Variants in RCBTB2 observed in about 807,000 individuals in gnomAD.
The protein encoded by RCBTB2 is RCC1 and BTB domain-containing protein 2.
In RCBTB2, 55 loss-of-function variants were observed where a neutral mutation model predicts 65.4. The observed-to-expected ratio is 0.84, with a 90% CI of 0.68 to 1.05. RCBTB2 has a LOEUF of 1.05. Among genes scored for constraint, RCBTB2 ranks in the 50% least tolerant of loss-of-function variants. The probability of loss-of-function intolerance (pLI) is 0.00; values close to 1 mark genes in which losing one functional copy is unlikely to be tolerated. For missense variants in RCBTB2, 599 were observed against 680.1 expected, an observed-to-expected ratio of 0.88 and a Z score of 1.33; for synonymous variants, 220 against 255.2, an observed-to-expected ratio of 0.86 and a Z score of 1.31.
chr13:48,515,852 T>A, intron 4 of RCBTB2, 111 bp from the exon 5 acceptor site: 2 of 1,119,096 alleles, frequency 1.8e-6, no homozygotes, highest in South Asian at 3.2e-5. Flanking sequence ...ACACACTGCA[T>A]CCATTTTTGA....
At chr13:48,503,801 G>T (rs1318442683) in intron 10 of RCBTB2, among the ~76,000 whole-genome samples, 2 of 152,148 alleles carry the variant, frequency 1.3e-5, no homozygotes, top group African/African-American at 4.8e-5. Flanking sequence ...CGCCCACCTT[G>T]GCCTCCCAGA....
chr13:48,524,326 G>T (rs1162230534), intron 2 of RCBTB2, among the ~76,000 whole-genome samples: 1 of 152,168 alleles, frequency 6.6e-6, no homozygotes, highest in East Asian at 1.9e-4. Flanking sequence ...GTGATAAAAT[G>T]TATTCTAAAT....
chr13:48,509,257 G>C (rs561810450), intron 10 of RCBTB2, among the ~76,000 whole-genome samples: 1 of 152,256 alleles, frequency 6.6e-6, no homozygotes, highest in Non-Finnish European at 1.5e-5. Flanking sequence ...AGCTTGGGAA[G>C]TCAAGACTAC....
chr13:48,517,018 G>A (rs534235638), intron 4 of RCBTB2, among the ~76,000 whole-genome samples: 1 of 152,356 alleles, frequency 6.6e-6, no homozygotes, highest in African/African-American at 2.4e-5. Context: ...TACCGGGAAT[G>A]TGGTCTGGTG....
At chr13:48,495,024 C>G (rs1318353382) in intron 14 of RCBTB2, among the ~76,000 whole-genome samples, 1 of 151,992 alleles carries the variant, frequency 6.6e-6, no homozygotes, top group Non-Finnish European at 1.5e-5. Flanking sequence ...TACAAATTTT[C>G]TTTAATAAGC....
In RCBTB2 at chr13:48,490,021, AT is replaced by A. The variant is rs1489845571; in HGVS notation, c.*89del. Reference sequence around the variant, plus strand: ...ACAAGTACTCAGCCAAACATAGCTCATCATACATACTATTAATTAAAGAGAA... The same window carrying A: ...ACAAGTACTCAGCCAAACATAGCTCACATACATACTATTAATTAAAGAGAA... On this transcript the variant is annotated 3_prime_UTR_variant, in exon 15 of 15. Transcript: ENST00000344532. 4.3e-6 allele frequency: 6 copies of A among 1,400,132 alleles called. No homozygotes were observed. In the East Asian group the frequency reaches 1.4e-4, roughly 32 times the overall value. The allele number at this position is 1,400,132 out of a possible 1,614,324, so 86.7% of individuals were successfully genotyped here. A position where few individuals can be genotyped will look rare whatever the true frequency, so the allele number is the denominator to read the frequency against.
At chr13:48,497,495 T>C (rs556816566) in intron 13 of RCBTB2, among the ~76,000 whole-genome samples, 151 of 152,348 alleles carry the variant, frequency 9.9e-4, no homozygotes, top group African/African-American at 3.4e-3. Context: ...TTTTTCTGAA[T>C]CTTCATTACA....
At chr13:48,510,863 A>G (rs1950751971) in intron 9 of RCBTB2, 92 bp from the exon 10 acceptor site, 2 of 1,352,566 alleles carry the variant, frequency 1.5e-6, no homozygotes, top group Non-Finnish European at 1.0e-6. Flanking sequence ...ATGAAAAAAA[A>G]AGGAAGAGGC....
intron 1 of RCBTB2, among the ~76,000 whole-genome samples, chr13:48,525,385 T>G (rs1159001873): frequency 1.6e-4 from 15 of 96,476 alleles, no homozygotes; most frequent in Admixed American, 2.8e-4. Context: ...TATATATATA[T>G]ATATATATAT....
intron 12 of RCBTB2, among the ~76,000 whole-genome samples, chr13:48,501,541 A>G (rs1426299079): frequency 2.0e-5 from 3 of 152,152 alleles, no homozygotes; most frequent in African/African-American, 7.2e-5. Context: ...AGGAACGCCT[A>G]TGGTACTGGT....
chr13:48,502,073 A>G (rs982594651), intron 11 of RCBTB2, among the ~76,000 whole-genome samples: 3 of 152,260 alleles, frequency 2.0e-5, no homozygotes, highest in Admixed American at 6.5e-5. Context: ...ATCTGCTTAT[A>G]AATCTGGCAA....
chr13:48,508,455 C>A (rs1950613426), intron 10 of RCBTB2, among the ~76,000 whole-genome samples: 1 of 151,338 alleles, frequency 6.6e-6, no homozygotes, highest in Non-Finnish European at 1.5e-5. Context: ...ACTGCCCAGG[C>A]TAGAGTGCAG....
chr13:48,531,817 T>G (rs1952142520), intron 1 of RCBTB2, among the ~76,000 whole-genome samples: 1 of 152,352 alleles, frequency 6.6e-6, no homozygotes. Flanking sequence ...CATATAAGAT[T>G]ACAAAGCACA....
intron 14 of RCBTB2, 80 bp from the exon 15 acceptor site, chr13:48,490,331 A>C (rs1163250735): frequency 8.0e-7 from 1 of 1,253,070 alleles, no homozygotes; most frequent in Non-Finnish European, 1.1e-6. Context: ...CGCTAAAACA[A>C]GTTAGGCAAA....
In RCBTB2 at chr13:48,532,826, C is replaced by T. The variant is rs1952241186; in HGVS notation, c.-219+202G>A. 3 of 340,206 alleles carry T rather than the reference C, an allele frequency of 8.8e-6. No individual in the cohort carries two copies. In the Admixed American group the frequency reaches 1.1e-4, roughly 13 times the overall value. 21.1% of individuals were successfully genotyped at this position (340,206 alleles called of 1,614,324 possible). A position where few individuals can be genotyped will look rare whatever the true frequency, so the allele number is the denominator to read the frequency against. ...CCGGAACCTAGCTCTTAACTCCCGCCAGCAGTTTTACGCATGCGCGACGAC... is the reference window on the plus strand; with the variant it reads ...CCGGAACCTAGCTCTTAACTCCCGCTAGCAGTTTTACGCATGCGCGACGAC... On this transcript the variant is annotated intron_variant, in intron 1 of 14. Transcript: ENST00000344532.
intron 2 of RCBTB2, among the ~76,000 whole-genome samples, chr13:48,523,500 T>C (rs959048514): frequency 2.0e-5 from 3 of 152,192 alleles, no homozygotes; most frequent in Non-Finnish European, 4.4e-5. Flanking sequence ...AACGTATTCA[T>C]ACAAAGCATC....
intron 1 of RCBTB2, among the ~76,000 whole-genome samples, chr13:48,528,036 A>G (rs1951900821): frequency 1.3e-5 from 2 of 152,232 alleles, no homozygotes; most frequent in African/African-American, 4.8e-5. Flanking sequence ...AAATGAGTTA[A>G]GCTGATTATG....
At chr13:48,497,719 T>C (rs1429376342) in intron 13 of RCBTB2, among the ~76,000 whole-genome samples, 3 of 152,246 alleles carry the variant, frequency 2.0e-5, no homozygotes, top group Non-Finnish European at 4.4e-5. Flanking sequence ...TGTGTCTATC[T>C]GCTAATAAAT....
chr13:48,522,782 A>T (rs1951500039), intron 2 of RCBTB2, among the ~76,000 whole-genome samples: 3 of 152,194 alleles, frequency 2.0e-5, no homozygotes, highest in Admixed American at 2.0e-4. Flanking sequence ...CTTAAATACA[A>T]TCTATTATTT....
Sources: gnomAD v4.1 joint callset for allele counts (sites outside exome capture counted in the v4.1 genomes callset) on GRCh38, gnomAD v4.1.1 for gene constraint, MANE v1.5 for transcripts, NCBI Gene and HGNC (gene_info 2026-07-23, HGNC 2026-07-21) for gene names.